OPCML: variants seen among roughly 807,000 people sequenced by gnomAD.
The protein encoded by OPCML is opioid-binding protein/cell adhesion molecule.
OPCML carries 13 observed loss-of-function variants against 37.8 expected under a neutral mutation model. That is an observed-to-expected ratio of 0.34 (90% CI 0.22 to 0.55). The LOEUF (loss-of-function observed/expected upper bound fraction) is 0.55, where lower values mean the gene tolerates loss of function less well. Among genes scored for constraint, OPCML ranks in the 20% least tolerant of loss-of-function variants. The pLI, the probability that OPCML is intolerant of heterozygous loss-of-function variation, is 0.91. For missense variants in OPCML, 341 were observed against 435.6 expected, an observed-to-expected ratio of 0.78 and a Z score of 1.93; for synonymous variants, 176 against 168.8, an observed-to-expected ratio of 1.04 and a Z score of -0.33.
At chr11:132,678,955 G>A (rs1390398007) in intron 2 of OPCML, among the ~76,000 whole-genome samples, 1 of 152,066 alleles carries the variant, frequency 6.6e-6, no homozygotes, top group Non-Finnish European at 1.5e-5. Context: ...GTGATGATGG[G>A]GAGGCTCTGG....
chr11:133,225,442 C>T (rs1458942454), intron 1 of OPCML, among the ~76,000 whole-genome samples: 7 of 152,198 alleles, frequency 4.6e-5, no homozygotes, highest in African/African-American at 7.2e-5. Flanking sequence ...TCCAGCAGCT[C>T]GCTTCCCTCA....
chr11:133,172,590 C>T (rs1210724161), intron 1 of OPCML, among the ~76,000 whole-genome samples: 1 of 152,086 alleles, frequency 6.6e-6, no homozygotes, highest in Non-Finnish European at 1.5e-5. Flanking sequence ...GGAGACTGTA[C>T]CAGGCTTTGA....
At chr11:132,693,139 G>T (rs925306992) in intron 2 of OPCML, among the ~76,000 whole-genome samples, 1 of 152,112 alleles carries the variant, frequency 6.6e-6, no homozygotes, top group African/African-American at 2.4e-5. Flanking sequence ...AAAACAGCTG[G>T]ACTACTGGAT....
intron 1 of OPCML, chr11:133,118,456 A>G (rs970112361): frequency 2.3e-4 from 225 of 978,370 alleles, no homozygotes; most frequent in Non-Finnish European, 2.6e-4. Context: ...GTGGACTGAA[A>G]ACTGGAAAGG....
rs1215143100 is a variant in OPCML, at chr11:132,529,132, C to G, written c.434G>C (p.Ser145Thr). Reference sequence around the variant, plus strand: ...AATAGCAAGACACAGCAGGGTCACACTGCTTCCCTCATTCACAGTGATGTC... The same window carrying G: ...AATAGCAAGACACAGCAGGGTCACAGTGCTTCCCTCATTCACAGTGATGTC... ...SSDITVNEGSSVTLLCLAIGR... is the reference protein window; with the variant it reads ...SSDITVNEGSTVTLLCLAIGR... Residue 145 changes from serine to threonine, a missense_variant, in exon 4 of 8, where the codon AGT becomes ACT. Transcript: ENST00000524381. 2 of 1,613,506 alleles carry G rather than the reference C, an allele frequency of 1.2e-6. No homozygotes were observed. Among genetic ancestry groups the G allele is most frequent in the East Asian group, 2.2e-5 (1 of 44,824 alleles).
At chr11:133,114,024 C>T (rs185288864) in intron 1 of OPCML, among the ~76,000 whole-genome samples, 3 of 152,204 alleles carry the variant, frequency 2.0e-5, no homozygotes, top group Non-Finnish European at 2.9e-5. Context: ...CAAGCTCCTC[C>T]CTGCTTCTTC....
At chr11:133,505,059 C>A (rs887527784) in intron 1 of OPCML, among the ~76,000 whole-genome samples, 1 of 152,222 alleles carries the variant, frequency 6.6e-6, no homozygotes, top group Non-Finnish European at 1.5e-5. Flanking sequence ...GAGGTCAGCA[C>A]TGAGGCGATC....
intron 1 of OPCML, among the ~76,000 whole-genome samples, chr11:133,263,659 C>T (rs943263468): frequency 1.2e-4 from 18 of 151,900 alleles, no homozygotes; most frequent in South Asian, 2.1e-4. Flanking sequence ...TCATGAGAGG[C>T]GTGTGTTTTG....
At chr11:132,433,421 A>G (rs1305904217) in intron 7 of OPCML, among the ~76,000 whole-genome samples, 1 of 152,114 alleles carries the variant, frequency 6.6e-6, no homozygotes, top group Non-Finnish European at 1.5e-5. Flanking sequence ...CATTTATGGG[A>G]TTCTGAATGG....
intron 1 of OPCML, among the ~76,000 whole-genome samples, chr11:133,407,403 A>G (rs1187868018): frequency 6.6e-6 from 1 of 152,174 alleles, no homozygotes; most frequent in Non-Finnish European, 1.5e-5. Context: ...GATAAATGGC[A>G]TTCCATTAGA....
At chr11:133,493,339 T>C (rs1387040141) in intron 1 of OPCML, among the ~76,000 whole-genome samples, 1 of 152,162 alleles carries the variant, frequency 6.6e-6, no homozygotes, top group East Asian at 1.9e-4. Flanking sequence ...ACAAATGACA[T>C]ACAACTGTAG....
chr11:132,554,441 G>A (rs1253340447), intron 3 of OPCML, among the ~76,000 whole-genome samples: 1 of 152,208 alleles, frequency 6.6e-6, no homozygotes, highest in Non-Finnish European at 1.5e-5. Context: ...TTTCCAGCAA[G>A]TTTTTGCCAA....
intron 2 of OPCML, among the ~76,000 whole-genome samples, chr11:132,768,940 A>G (rs1946547062): frequency 6.6e-6 from 1 of 152,118 alleles, no homozygotes; most frequent in South Asian, 2.1e-4. Context: ...AATCGTAAAG[A>G]GCAGCTTGTA....
intron 1 of OPCML, chr11:133,298,783 C>T (rs947786772): frequency 2.0e-5 from 3 of 152,142 alleles, no homozygotes; most frequent in Non-Finnish European, 4.4e-5. Context: ...CAGGCAGCTA[C>T]AAGAGTCTCA....
At chr11:132,830,211 G>T (rs1026343085) in intron 2 of OPCML, among the ~76,000 whole-genome samples, 2 of 152,078 alleles carry the variant, frequency 1.3e-5, no homozygotes, top group Non-Finnish European at 2.9e-5. Flanking sequence ...TGCCCATAAG[G>T]TTACTGCACA....
chr11:132,796,784 T>C (rs1938349907), intron 2 of OPCML, among the ~76,000 whole-genome samples: 1 of 152,034 alleles, frequency 6.6e-6, no homozygotes, highest in Non-Finnish European at 1.5e-5. Context: ...TTCACTGTAT[T>C]AGCCAGGATG....
intron 2 of OPCML, among the ~76,000 whole-genome samples, chr11:132,905,215 G>C: frequency 7.1e-6 from 1 of 140,588 alleles, no homozygotes; most frequent in East Asian, 2.1e-4. Context: ...GCTGGGACTA[G>C]AAAGCAGTTC....
intron 1 of OPCML, among the ~76,000 whole-genome samples, chr11:133,146,217 G>A (rs555338990): frequency 6.6e-6 from 1 of 151,976 alleles, no homozygotes; most frequent in South Asian, 2.1e-4. Context: ...ACACAGGGAT[G>A]ATGAGTGAGC....
chr11:132,727,476 T>C (rs532432187), intron 2 of OPCML, among the ~76,000 whole-genome samples: 44 of 152,296 alleles, frequency 2.9e-4, no homozygotes, highest in South Asian at 1.0e-3. Context: ...TTGTCACCCC[T>C]ATAGCCATGG....
Sources: gnomAD v4.1 joint callset for allele counts (sites outside exome capture counted in the v4.1 genomes callset) on GRCh38, gnomAD v4.1.1 for gene constraint, MANE v1.5 for transcripts, NCBI Gene and HGNC (gene_info 2026-07-23, HGNC 2026-07-21) for gene names.